SORCS3: variants seen among roughly 807,000 people sequenced by gnomAD.
SORCS3 encodes the protein sortilin related VPS10 domain containing receptor 3.
SORCS3 carries 57 observed loss-of-function variants against 146.3 expected under a neutral mutation model. That is an observed-to-expected ratio of 0.39 (90% CI 0.31 to 0.49). SORCS3 has a LOEUF of 0.49. Ranked by LOEUF, SORCS3 falls within the 20% of genes least tolerant of loss-of-function variation. The pLI is 0.92. For synonymous variants in SORCS3, 653 were observed against 618.5 expected, an observed-to-expected ratio of 1.06 and a Z score of -0.83; for missense variants, 1,341 against 1,575.5, an observed-to-expected ratio of 0.85 and a Z score of 2.52.
intron 2 of SORCS3, among the ~76,000 whole-genome samples, chr10:104,846,519 A>G (rs1344326767): frequency 1.3e-5 from 2 of 152,340 alleles, no homozygotes; most frequent in East Asian, 3.9e-4. Flanking sequence ...TGTCATGACA[A>G]GATGACACCC....
At chr10:105,183,029 G>A (rs565562936) in intron 14 of SORCS3, among the ~76,000 whole-genome samples, 17 of 152,246 alleles carry the variant, frequency 1.1e-4, no homozygotes, top group South Asian at 6.2e-4. Flanking sequence ...TTTAGTTGCC[G>A]TTAGATATCA....
intron 3 of SORCS3, among the ~76,000 whole-genome samples, chr10:104,970,843 T>C (rs944196344): frequency 6.7e-6 from 1 of 149,434 alleles, no homozygotes; most frequent in Non-Finnish European, 1.5e-5. Context: ...TACTAATATA[T>C]GCTCTGGGTA....
intron 14 of SORCS3, among the ~76,000 whole-genome samples, chr10:105,195,729 C>T (rs1359025812): frequency 6.6e-6 from 1 of 152,168 alleles, no homozygotes; most frequent in Non-Finnish European, 1.5e-5. Flanking sequence ...CCTAAGCTGA[C>T]AATGGGTGGA....
intron 4 of SORCS3, among the ~76,000 whole-genome samples, chr10:104,988,804 T>C (rs1382551152): frequency 6.6e-6 from 1 of 152,220 alleles, no homozygotes; most frequent in Middle Eastern, 3.2e-3. Flanking sequence ...TTTGTCAAGA[T>C]TCTTTCCCCA....
chr10:104,977,541 A>C (rs748373352), intron 4 of SORCS3, 48 bp downstream of exon 4: 24 of 1,506,846 alleles, frequency 1.6e-5, no homozygotes, highest in Non-Finnish European at 2.0e-5. Flanking sequence ...AGGTACCACC[A>C]TGTGAAAATC....
At chr10:105,018,056 T>C in intron 4 of SORCS3, among the ~76,000 whole-genome samples, 1 of 151,964 alleles carries the variant, frequency 6.6e-6, no homozygotes, top group East Asian at 1.9e-4. Context: ...TAGCCAAAGG[T>C]GAATTTATGG....
At chr10:104,827,174 C>T (rs2017946146) in intron 1 of SORCS3, among the ~76,000 whole-genome samples, 1 of 152,188 alleles carries the variant, frequency 6.6e-6, no homozygotes, top group African/African-American at 2.4e-5. Context: ...GATCTCCTCC[C>T]ATGAATCATA....
At chr10:105,193,471 A>G (rs889396460) in intron 14 of SORCS3, among the ~76,000 whole-genome samples, 2 of 152,202 alleles carry the variant, frequency 1.3e-5, no homozygotes, top group Non-Finnish European at 2.9e-5. Context: ...AATGACTGTA[A>G]TAGATAAATC....
intron 4 of SORCS3, among the ~76,000 whole-genome samples, chr10:105,025,826 A>G (rs2055224648): frequency 7.6e-6 from 1 of 131,380 alleles, no homozygotes; most frequent in African/African-American, 2.9e-5. Context: ...CTTTATAATT[A>G]TGTCTTCTCA....
chr10:105,134,891 C>T (rs540970471), intron 7 of SORCS3, among the ~76,000 whole-genome samples: 7 of 152,224 alleles, frequency 4.6e-5, no homozygotes, highest in East Asian at 1.9e-4. Context: ...TAATAAGATG[C>T]GGGTGAGACT....
intron 20 of SORCS3, among the ~76,000 whole-genome samples, chr10:105,225,735 T>C (rs2056730398): frequency 1.3e-5 from 2 of 152,046 alleles, no homozygotes; most frequent in African/African-American, 4.8e-5. Flanking sequence ...GTTTATTTAG[T>C]TGTTATTTGA....
At chr10:104,690,150 G>A (rs184194208) in intron 1 of SORCS3, among the ~76,000 whole-genome samples, 170 of 152,276 alleles carry the variant, frequency 1.1e-3, no homozygotes, top group Non-Finnish European at 1.6e-3. Context: ...GCCTGTAGCT[G>A]GGAAGCTGGG....
intron 1 of SORCS3, among the ~76,000 whole-genome samples, chr10:104,696,350 TCA>T (rs1564661180): frequency 0.53 from 57 of 108 alleles, 21 homozygotes; most frequent in East Asian, 1. Context: ...ATGATATATA[TCA>T]TATATATATC....
At chr10:104,815,881 A>G (rs1032206539) in intron 1 of SORCS3, among the ~76,000 whole-genome samples, 5 of 152,178 alleles carry the variant, frequency 3.3e-5, no homozygotes, top group Non-Finnish European at 4.4e-5. Flanking sequence ...TTTTTTCCCC[A>G]TAAGACCATG....
intron 20 of SORCS3, among the ~76,000 whole-genome samples, chr10:105,240,848 C>G (rs925525920): frequency 6.6e-6 from 1 of 151,892 alleles, no homozygotes; most frequent in African/African-American, 2.4e-5. Flanking sequence ...CAGAACCAAC[C>G]ACTATTCTAT....
intron 2 of SORCS3, among the ~76,000 whole-genome samples, chr10:104,864,003 T>C (rs1053949794): frequency 1.2e-4 from 18 of 152,284 alleles, no homozygotes; most frequent in African/African-American, 3.9e-4. Flanking sequence ...GTGAGGGCAA[T>C]ATGTGCTCAG....
At chr10:105,128,652 G>A (rs900918997) in intron 7 of SORCS3, among the ~76,000 whole-genome samples, 6 of 152,190 alleles carry the variant, frequency 3.9e-5, no homozygotes, top group African/African-American at 1.4e-4. Context: ...CTCATATTAT[G>A]TATTGCCTCT....
At chr10:105,023,255 AT>A (rs1342400317) in intron 4 of SORCS3, among the ~76,000 whole-genome samples, 1 of 152,158 alleles carries the variant, frequency 6.6e-6, no homozygotes, top group African/African-American at 2.4e-5. Context: ...TACTGGCTTC[AT>A]TTTTTTATTA....
intron 2 of SORCS3, among the ~76,000 whole-genome samples, chr10:104,854,297 A>C (rs1288673753): frequency 1.3e-5 from 2 of 152,184 alleles, no homozygotes; most frequent in African/African-American, 4.8e-5. Flanking sequence ...GAATGCTCTT[A>C]GTCATTCACA....
Sources: allele counts gnomAD v4.1 joint callset (sites outside exome capture counted in the v4.1 genomes callset), GRCh38; gene constraint gnomAD v4.1.1; transcripts MANE v1.5; gene names NCBI Gene and HGNC (gene_info 2026-07-23, HGNC 2026-07-21).